The following TTN variants were observed in gnomAD, a reference collection of about 807,000 sequenced individuals.
The protein encoded by TTN is titin, also known as connectin.
A neutral mutation model predicts 3,223.0 loss-of-function variants in TTN; 1,525 were observed. That is an observed-to-expected ratio of 0.47 (90% CI 0.45 to 0.49). The LOEUF is 0.49. Among genes scored for constraint, TTN ranks in the 20% least tolerant of loss-of-function variants. The probability of loss-of-function intolerance (pLI) is 0.00; values close to 1 mark genes in which losing one functional copy is unlikely to be tolerated. For missense variants in TTN, 40,786 were observed against 43,424.0 expected, an observed-to-expected ratio of 0.94 and a Z score of 5.40; for synonymous variants, 14,094 against 15,161.0, an observed-to-expected ratio of 0.93 and a Z score of 5.17.
At chr2:178,633,758 T>C (rs2060092048) in intron 231 of TTN, 59 bp downstream of exon 231, 18 of 1,605,144 alleles carry the variant, frequency 1.1e-5, no homozygotes. Flanking sequence ...AAATATTTTA[T>C]TACTCCCCAC....
Position 178,637,390 on chromosome 2 carries a change from T to A in TTN, c.40906A>T (p.Lys13636Ter). Residue 13636 changes from lysine (K) to a stop codon, truncating the protein, a stop_gained, in exon 224 of 363, where the codon AAG (lysine) becomes TAG (stop). Coordinates refer to ENST00000589042, the MANE Select transcript of TTN (RefSeq NM_001267550.2). LOFTEE classifies it high-confidence loss of function. ...TCACCTTTGATAGGACCTTTTGGCT[T>A]GGCAGCCTCTTCCTTAGGTGCTTTG... is the stretch of plus-strand genomic sequence containing the variant. Reference protein sequence around the residue: ...EAKAPKEEAAKPKGPIKGVPK... With the variant: ...EAKAPKEEAA 1 of 1,479,116 alleles carries A rather than the reference T, an allele frequency of 6.8e-7. No homozygotes were observed. The highest frequency in any genetic ancestry group is 9.0e-7 in the Non-Finnish European group (1 of 1,116,920). The allele number at this position is 1,479,116 out of a possible 1,614,324, so 91.6% of individuals were successfully genotyped here. A position where few individuals can be genotyped will look rare whatever the true frequency, so the allele number is the denominator to read the frequency against.
At position 178,536,568 on chromosome 2, in the gene TTN, T is replaced by A. The variant is rs773644995; in HGVS notation, c.100179A>T (p.Pro33393=). The A allele has an allele frequency of 1.3e-6, 2 of 1,493,166 alleles. No individual in the cohort carries two copies. Among genetic ancestry groups the A allele is most frequent in the Non-Finnish European group, 1.8e-6 (2 of 1,127,700 alleles). The allele number at this position is 1,493,166 out of a possible 1,614,324, so 92.5% of individuals were successfully genotyped here. Residue 33393 remains proline (P), a synonymous_variant, in exon 357 of 363, where the codon CCA becomes CCT. Coordinates refer to ENST00000589042, the MANE Select transcript of TTN (RefSeq NM_001267550.2). ...VVIIKSPFEK[P]GAPGKPTITA... ...TAATAGTTGGTTTGCCAGGAGCACC[T>A]GGCTTTTCTATTAAACAAAAAAAAG...
chr2:178,730,021 T>TCGCCCCCC, intron 62 of TTN, 72 bp downstream of exon 62: 5 of 1,558,102 alleles, frequency 3.2e-6, no homozygotes, highest in Non-Finnish European at 4.4e-6. Context: ...GTCTTAAGCG[T>TCGCCCCCC]CCCCCGCCCC....
intron 288 of TTN, 136 bp from the exon 289 acceptor site, chr2:178,599,986 CT>C: frequency 1.3e-6 from 1 of 787,764 alleles, no homozygotes; most frequent in Non-Finnish European, 1.9e-6. Context: ...AAGAATGGTT[CT>C]GTCTTTAACA....
In TTN at chr2:178,794,945, C is replaced by A. The variant is rs1353863022; in HGVS notation, c.1222G>T (p.Ala408Ser). The change falls in exon 7 of 363, where the codon GCT becomes TCT. Residue 408 changes from alanine to serine, a missense_variant. Coordinates refer to ENST00000589042, the MANE Select transcript of TTN (RefSeq NM_001267550.2). ...ACCTCTTTAGCACCAGTGGCAACAG[C>A]CTCTGCTGCGTAGCTAGCACTGGCC... ...VSASASYAAE[A>S]VATGAKEVKQ... The A allele has an allele frequency of 6.2e-7, 1 of 1,603,320 alleles. No individual in the cohort carries two copies. Among genetic ancestry groups the A allele is most frequent in the Admixed American group, 1.7e-5 (1 of 60,034 alleles).
rs769086114 is a variant in TTN at position 178,741,133 on chromosome 2, C to T, written c.12100G>A (p.Asp4034Asn). The T allele has an allele frequency of 2.5e-6, 4 of 1,613,696 alleles. No homozygotes were observed. The highest frequency in any genetic ancestry group is 3.3e-4 in the Middle Eastern group (2 of 6,058). ...GCTTTGCAGGGGGTATCAGTCATGTCTGTGTCTTCCAGAAGCACAAGCAGC... is the reference window on the plus strand; with the variant it reads ...GCTTTGCAGGGGGTATCAGTCATGTTTGTGTCTTCCAGAAGCACAAGCAGC... ...AELLVLLEDT[D>N]MTDTPCKAKS... Residue 4034 changes from aspartate to asparagine, a missense_variant, in exon 48 of 363, where the codon GAC becomes AAC. Coordinates refer to ENST00000589042, the MANE Select transcript of TTN (RefSeq NM_001267550.2).
At chr2:178,715,824 A>T (rs778122089) in intron 88 of TTN, 50 bp from the exon 89 acceptor site, 2 of 1,483,238 alleles carry the variant, frequency 1.3e-6, no homozygotes, top group African/African-American at 1.4e-5. Context: ...ACAGATGCAT[A>T]TAATTCAAGA....
Position 178,642,307 on chromosome 2 carries a change from A to G in TTN, c.40488T>C (p.Gly13496=). 1 of 1,586,404 alleles carries G rather than the reference A, an allele frequency of 6.3e-7. No homozygotes were observed. Among genetic ancestry groups the G allele is most frequent in the Non-Finnish European group, 8.6e-7 (1 of 1,166,068 alleles). The change falls in exon 219 of 363, where the codon GGT becomes GGC. Residue 13496 remains glycine (G), a synonymous_variant. Coordinates refer to ENST00000589042, the MANE Select transcript of TTN (RefSeq NM_001267550.2). ...GAAGTAATTTGCGAACTTTCTTTTC[A>G]CCTCCAGGCACTTAAAAGAATATGA... The part of the protein sequence containing the change: ...VELTPLKVPG[G]EKKVRKLLPE...
rs1560902834 is a variant in TTN, at chr2:178,740,088, C to CT, written c.13144dup (p.Ser4382LysfsTer36). The CT allele has an allele frequency of 6.2e-7, 1 of 1,613,822 alleles. No homozygotes were observed. Among genetic ancestry groups the CT allele is most frequent in the African/African-American group, 1.3e-5 (1 of 75,038 alleles). ...CTCTTCTGGAATACCAGAAAGCAAG[C>CT]TTTCCTTAGAAAGAAGGTCCCTTCC... On this transcript the variant is annotated frameshift_variant, in exon 48 of 363. Coordinates refer to ENST00000589042, the MANE Select transcript of TTN (RefSeq NM_001267550.2). LOFTEE classifies it high-confidence loss of function.
chr2:178,571,108 A>G lies in TTN; in HGVS notation c.75024T>C (p.Asp25008=). Residue 25008 remains aspartate (D), a synonymous_variant, in exon 326 of 363, where the codon GAT becomes GAC. Transcript: ENST00000589042. ...SECYVARDPC[D]PPGRPEAIIV... is the part of the protein sequence containing the mutation. ...TGATTGCCTCTGGCCGTCCTGGTGG[A>G]TCACATGGGTCACGAGCCACATAAC... The G allele has an allele frequency of 6.2e-7, 1 of 1,613,442 alleles. No homozygotes were observed. The highest frequency in any genetic ancestry group is 8.5e-7 in the Non-Finnish European group (1 of 1,179,606).
intron 150 of TTN, 137 bp from the exon 151 acceptor site, chr2:178,674,546 T>C: frequency 4.5e-6 from 2 of 444,854 alleles, no homozygotes. Flanking sequence ...CTCTACTGGG[T>C]CTTCAAAATA....
rs750122705 is a variant in TTN, at chr2:178,730,621, T to C, written c.17912A>G (p.Asp5971Gly). The change falls in exon 61 of 363, where the codon GAC becomes GGC. Residue 5971 changes from aspartate (D) to glycine (G), a missense_variant. By Grantham distance (94) the Asp-to-Gly change is moderately conservative (BLOSUM62 -1). Coordinates refer to ENST00000589042, the MANE Select transcript of TTN (RefSeq NM_001267550.2). ...ASEKYKFSFH[D>G]NTAFLEISQL... ...GCTGATTTCCAAGAAGGCAGTATTG[T>C]CATGAAAAGAGAATTTGTACTTTTC... The C allele has an allele frequency of 3.7e-6, 6 of 1,613,694 alleles. No homozygotes were observed. The South Asian group carries it at 6.6e-5, about 18-fold the overall frequency.
Position 178,782,994 on chromosome 2 carries a change from G to A in TTN, c.2912C>T (p.Ser971Phe). 6.2e-7 allele frequency: 1 copy of A among 1,614,144 alleles called. No individual in the cohort carries two copies. Residue 971 changes from serine (S) to phenylalanine (F), a missense_variant, in exon 18 of 363, where the codon TCC (serine) becomes TTC (phenylalanine). Physicochemically the swap from Ser to Phe is radical, Grantham distance 155. Coordinates refer to ENST00000589042, the MANE Select transcript of TTN (RefSeq NM_001267550.2). ...TLECHISGYP[S>F]PTVTWYREDY... ...TTCCCTGTACCATGTCACTGTCGGG[G>A]ATGGGTATCCAGAGATGTGGCACTC...
chr2:178,588,449 T>C (rs1339240858), intron 304 of TTN, 89 bp downstream of exon 304: 5 of 1,393,430 alleles, frequency 3.6e-6, no homozygotes, highest in Non-Finnish European at 4.8e-6. Flanking sequence ...ATGTTACAGA[T>C]TTAGATGTTA....
Position 178,605,107 on chromosome 2 carries a change from T to C in TTN, c.54070A>G (p.Ser18024Gly). ...LQITKEEVSR[S>G]EAKTELSIPK... Reference sequence around the variant, plus strand: ...ATGCTAAGCTCAGTTTTTGCCTCACTTCGGGATACCTCTTCCTTGGTTATC... The same window carrying C: ...ATGCTAAGCTCAGTTTTTGCCTCACCTCGGGATACCTCTTCCTTGGTTATC... Residue 18024 changes from serine (S) to glycine (G), a missense_variant, in exon 280 of 363, where the codon AGT becomes GGT. Coordinates refer to ENST00000589042, the MANE Select transcript of TTN (RefSeq NM_001267550.2). 6.2e-7 allele frequency: 1 copy of C among 1,612,796 alleles called. No homozygotes were observed. Among genetic ancestry groups the C allele is most frequent in the Non-Finnish European group, 8.5e-7 (1 of 1,179,198 alleles).
intron 119 of TTN, 100 bp downstream of exon 119, chr2:178,693,509 G>T: frequency 3.4e-6 from 3 of 870,786 alleles, no homozygotes; most frequent in Non-Finnish European, 5.1e-6. Context: ...TATGCACACT[G>T]TGACTAAATC....
At position 178,587,783 on chromosome 2, in the gene TTN, A is replaced by G; in HGVS notation, c.63526T>C (p.Leu21176=). The change falls in exon 306 of 363, where the codon TTG becomes CTG. Residue 21176 remains leucine, a synonymous_variant. Coordinates refer to ENST00000589042, the MANE Select transcript of TTN (RefSeq NM_001267550.2). ...ACCAGTTTCCTCATGCTGGCATCCAAATCAATCTCCGGAGGTTCTGCAAAT... is the reference window on the plus strand; with the variant it reads ...ACCAGTTTCCTCATGCTGGCATCCAGATCAATCTCCGGAGGTTCTGCAAAT... ...KEILEPPEID[L]DASMRKLVIV... 1 of 1,602,826 alleles carries G rather than the reference A, an allele frequency of 6.2e-7. No homozygotes were observed.
intron 13 of TTN, among the ~76,000 whole-genome samples, chr2:178,789,033 G>T (rs1289417585): frequency 6.6e-6 from 1 of 151,922 alleles, no homozygotes; most frequent in Non-Finnish European, 1.5e-5. Flanking sequence ...TACATCTTCC[G>T]TGTTTTTAAA....
rs2077819913 is a variant in TTN, at chr2:178,718,391, C to T, written c.24715G>A (p.Ala8239Thr). ...EILESTIEDYAQYSCLIENEA... is the reference protein window; with the variant it reads ...EILESTIEDYTQYSCLIENEA... Reference sequence around the variant, plus strand: ...TTTTCTATCAGGCAGCTGTACTGTGCATAATCCTCTATTGTGCTCTCAAGA... The same window carrying T: ...TTTTCTATCAGGCAGCTGTACTGTGTATAATCCTCTATTGTGCTCTCAAGA... Residue 8239 changes from alanine (A) to threonine (T), a missense_variant, in exon 85 of 363, where the codon GCA (alanine) becomes ACA (threonine). Transcript: ENST00000589042. 1.2e-6 allele frequency: 2 copies of T among 1,613,690 alleles called. No individual in the cohort carries two copies. Among genetic ancestry groups the T allele is most frequent in the African/African-American group, 2.7e-5 (2 of 74,914 alleles).
Sources: allele counts gnomAD v4.1 joint callset (sites outside exome capture counted in the v4.1 genomes callset), GRCh38; gene constraint gnomAD v4.1.1; transcripts MANE v1.5; gene names NCBI Gene and HGNC (gene_info 2026-07-23, HGNC 2026-07-21).